Variants in ZC3H12B observed in about 807,000 individuals in gnomAD.
ZC3H12B encodes the protein zinc finger CCCH-type containing 12B.
In ZC3H12B, 7 loss-of-function variants were observed where a neutral mutation model predicts 43.9. The observed-to-expected ratio is 0.16, with a 90% confidence interval of 0.09 to 0.30. The LOEUF (loss-of-function observed/expected upper bound fraction) is 0.30, where lower values mean the gene tolerates loss of function less well. Among genes scored for constraint, ZC3H12B ranks in the 10% least tolerant of loss-of-function variants. The pLI, the probability that ZC3H12B is intolerant of heterozygous loss-of-function variation, is 1.00. For missense variants in ZC3H12B, 475 were observed against 670.2 expected, an observed-to-expected ratio of 0.71 and a Z score of 3.22; for synonymous variants, 222 against 241.7, an observed-to-expected ratio of 0.92 and a Z score of 0.76.
chrX:65,055,551 G>A, the ZC3H12B span, among the ~76,000 whole-genome samples: 1 of 111,257 alleles, frequency 9.0e-6, no homozygotes, highest in African/African-American at 3.3e-5. Flanking sequence ...AATTCTCTTT[G>A]TTTTGTTTTG....
At chrX:65,453,708 G>T (rs2067558590) in intron 3 of ZC3H12B, among the ~76,000 whole-genome samples, 2 of 108,984 alleles carry the variant, frequency 1.8e-5, no homozygotes, top group South Asian at 8.1e-4. Context: ...GAGCCTAGGT[G>T]ACAGAGTGAG....
the ZC3H12B span, among the ~76,000 whole-genome samples, chrX:65,246,421 A>G: frequency 1.8e-5 from 2 of 112,237 alleles, no homozygotes; most frequent in Non-Finnish European, 3.8e-5. Context: ...TTTAAAATTC[A>G]TATGAAACCA....
the ZC3H12B span, among the ~76,000 whole-genome samples, chrX:65,153,502 G>C: frequency 1.8e-5 from 2 of 112,496 alleles, no homozygotes; most frequent in Non-Finnish European, 3.8e-5. Context: ...CTGGCCATCA[G>C]AGAAATGCAA....
At chrX:65,179,618 G>T in the ZC3H12B span, among the ~76,000 whole-genome samples, 45 of 110,484 alleles carry the variant, frequency 4.1e-4, no homozygotes, top group Non-Finnish European at 7.4e-4. Flanking sequence ...AGAAGAAAAG[G>T]GAGAAGAGTG....
intron 2 of ZC3H12B, among the ~76,000 whole-genome samples, chrX:65,397,653 A>C (rs1234725461): frequency 1.8e-5 from 2 of 111,425 alleles, no homozygotes; most frequent in Non-Finnish European, 1.9e-5. Context: ...AGGCATATAC[A>C]ATAGACCCAT....
At chrX:65,141,525 A>AT in the ZC3H12B span, among the ~76,000 whole-genome samples, 45 of 108,157 alleles carry the variant, frequency 4.2e-4, no homozygotes, top group African/African-American at 1.5e-3. Flanking sequence ...TATTAATTTA[A>AT]TTTTTTATTT....
the ZC3H12B span, among the ~76,000 whole-genome samples, chrX:65,356,610 T>C: frequency 8.9e-6 from 1 of 112,450 alleles, no homozygotes; most frequent in African/African-American, 3.2e-5. Context: ...ATTTATGATT[T>C]TATAATTTTT....
At chrX:65,481,009 T>C (rs1329331342) in intron 3 of ZC3H12B, among the ~76,000 whole-genome samples, 5 of 111,584 alleles carry the variant, frequency 4.5e-5, no homozygotes. Flanking sequence ...CACAATCTAG[T>C]TGGGGAGAGA....
the ZC3H12B span, among the ~76,000 whole-genome samples, chrX:65,232,308 C>T: frequency 9.0e-6 from 1 of 111,154 alleles, no homozygotes; most frequent in Non-Finnish European, 1.9e-5. Flanking sequence ...ATTCTGGGAA[C>T]TAATAAATGG....
At chrX:65,105,752 G>T in the ZC3H12B span, among the ~76,000 whole-genome samples, 1 of 111,497 alleles carries the variant, frequency 9.0e-6, no homozygotes, top group Non-Finnish European at 1.9e-5. Context: ...GTGGTGTCAT[G>T]TGAGCAGCAT....
the ZC3H12B span, among the ~76,000 whole-genome samples, chrX:65,116,689 A>G: frequency 1.8e-5 from 2 of 110,017 alleles, no homozygotes; most frequent in African/African-American, 6.6e-5. Context: ...TACATTAGGT[A>G]TATCTCCTAA....
At chrX:65,271,482 C>T in the ZC3H12B span, 1 of 112,494 alleles carries the variant, frequency 8.9e-6, no homozygotes, top group South Asian at 3.7e-4. Context: ...GAAATTATTG[C>T]CCAACCTCTG....
the ZC3H12B span, among the ~76,000 whole-genome samples, chrX:65,268,425 C>A: frequency 8.9e-6 from 1 of 111,779 alleles, no homozygotes; most frequent in Non-Finnish European, 1.9e-5. Context: ...GCCAACATCA[C>A]CTTGATACCT....
At chrX:65,053,941 T>A in the ZC3H12B span, among the ~76,000 whole-genome samples, 4 of 112,113 alleles carry the variant, frequency 3.6e-5, no homozygotes, top group African/African-American at 1.3e-4. Context: ...CTTCACCCAC[T>A]TTTTGATGGG....
the ZC3H12B span, among the ~76,000 whole-genome samples, chrX:65,282,457 C>T: frequency 1.8e-5 from 2 of 111,503 alleles, no homozygotes; most frequent in South Asian, 3.7e-4. Flanking sequence ...AAATAAAAGG[C>T]ATCTAAGTCA....
the ZC3H12B span, among the ~76,000 whole-genome samples, chrX:65,042,241 C>T: frequency 8.9e-6 from 1 of 112,003 alleles, no homozygotes; most frequent in African/African-American, 3.2e-5. Flanking sequence ...TTCTCCGTCT[C>T]CCACTCCCTT....
the ZC3H12B span, among the ~76,000 whole-genome samples, chrX:65,234,494 T>G: frequency 8.9e-6 from 1 of 111,949 alleles, no homozygotes. Flanking sequence ...AACATAGTAT[T>G]GAAAGTCCTA....
At chrX:65,451,524 A>T (rs1254044761) in intron 3 of ZC3H12B, among the ~76,000 whole-genome samples, 1 of 110,400 alleles carries the variant, frequency 9.1e-6, no homozygotes, top group Non-Finnish European at 1.9e-5. Flanking sequence ...TATTTTATGT[A>T]GATATGGAGG....
At chrX:65,309,176 A>C in the ZC3H12B span, among the ~76,000 whole-genome samples, 1 of 110,634 alleles carries the variant, frequency 9.0e-6, no homozygotes, top group Non-Finnish European at 1.9e-5. Context: ...CAAAAAAAAA[A>C]ACCCTTCAAA....
Sources: allele counts gnomAD v4.1 joint callset (sites outside exome capture counted in the v4.1 genomes callset), GRCh38; gene constraint gnomAD v4.1.1; transcripts MANE v1.5; gene names NCBI Gene and HGNC (gene_info 2026-07-23, HGNC 2026-07-21).